AUTS2: variants seen among roughly 807,000 people sequenced by gnomAD.
AUTS2 encodes activator of transcription and developmental regulator AUTS2.
In AUTS2, 17 loss-of-function variants were observed where a neutral mutation model predicts 112.4. The ratio of observed to expected loss-of-function variants is 0.15; its 90% CI spans 0.10 to 0.23. The LOEUF is 0.23. Among genes scored for constraint, AUTS2 ranks in the 10% least tolerant of loss-of-function variants. The pLI is 1.00. For missense variants in AUTS2, 1,510 were observed against 1,701.6 expected, an observed-to-expected ratio of 0.89 and a Z score of 1.98; for synonymous variants, 751 against 702.7, an observed-to-expected ratio of 1.07 and a Z score of -1.09.
intron 5 of AUTS2, among the ~76,000 whole-genome samples, chr7:70,456,193 G>A (rs1190891259): frequency 1.3e-5 from 2 of 152,166 alleles, no homozygotes; most frequent in East Asian, 1.9e-4. Context: ...GGTGCCCCCA[G>A]CCACTTCCCA....
intron 2 of AUTS2, among the ~76,000 whole-genome samples, chr7:70,026,204 T>C (rs1800516080): frequency 6.6e-6 from 1 of 152,230 alleles, no homozygotes; most frequent in African/African-American, 2.4e-5. Context: ...AAACGCTCCT[T>C]AGTTTCACTG....
At chr7:70,173,690 A>G (rs1808830815) in intron 4 of AUTS2, among the ~76,000 whole-genome samples, 1 of 152,158 alleles carries the variant, frequency 6.6e-6, no homozygotes, top group Non-Finnish European at 1.5e-5. Flanking sequence ...TGCTCACTTC[A>G]TGTCTCTGTG....
At chr7:69,873,591 T>C (rs930456490) in intron 1 of AUTS2, among the ~76,000 whole-genome samples, 2 of 152,160 alleles carry the variant, frequency 1.3e-5, no homozygotes, top group African/African-American at 2.4e-5. Flanking sequence ...GTGACTGTTA[T>C]CGTTAACCAC....
chr7:70,751,529 C>T (rs535026274), intron 6 of AUTS2, among the ~76,000 whole-genome samples: 11 of 152,262 alleles, frequency 7.2e-5, no homozygotes, highest in African/African-American at 2.6e-4. Flanking sequence ...CATTGTCTTC[C>T]CGCCTAAGGA....
intron 6 of AUTS2, among the ~76,000 whole-genome samples, chr7:70,746,572 G>T (rs1788466468): frequency 6.6e-6 from 1 of 152,236 alleles, no homozygotes; most frequent in Non-Finnish European, 1.5e-5. Context: ...TAGACTAGAA[G>T]TTCATCAGAG....
chr7:70,686,625 G>A (rs1808485871), intron 5 of AUTS2, among the ~76,000 whole-genome samples: 1 of 151,996 alleles, frequency 6.6e-6, no homozygotes, highest in South Asian at 2.1e-4. Flanking sequence ...CAACCTCCCG[G>A]GTTCAAGCGA....
intron 4 of AUTS2, among the ~76,000 whole-genome samples, chr7:70,348,628 C>A (rs1267646951): frequency 1.3e-5 from 2 of 151,994 alleles, no homozygotes; most frequent in Non-Finnish European, 1.5e-5. Flanking sequence ...CACGGTGAAA[C>A]CCCGTCTCTA....
At chr7:69,772,727 C>T (rs957008914) in intron 1 of AUTS2, among the ~76,000 whole-genome samples, 6 of 152,138 alleles carry the variant, frequency 3.9e-5, no homozygotes, top group Non-Finnish European at 8.8e-5. Context: ...AGTCACTGTA[C>T]CTGGCTGGAA....
At chr7:69,725,565 G>C (rs532433371) in intron 1 of AUTS2, among the ~76,000 whole-genome samples, 1 of 152,294 alleles carries the variant, frequency 6.6e-6, no homozygotes, top group Non-Finnish European at 1.5e-5. Context: ...TATGGACCAA[G>C]ACATGTGGAC....
chr7:70,725,543 C>G (rs1228581790), intron 6 of AUTS2, among the ~76,000 whole-genome samples: 1 of 152,198 alleles, frequency 6.6e-6, no homozygotes, highest in Non-Finnish European at 1.5e-5. Context: ...TAAGGATTTT[C>G]CATTTAACAA....
chr7:69,641,723 A>C (rs1172195246), intron 1 of AUTS2, among the ~76,000 whole-genome samples: 3 of 152,224 alleles, frequency 2.0e-5, no homozygotes, highest in African/African-American at 4.8e-5. Flanking sequence ...GAATTCAACA[A>C]TTCTGCATCA....
chr7:70,118,211 G>C lies in AUTS2; in HGVS notation c.602G>C (p.Ser201Thr). 1.3e-6 allele frequency: 2 copies of C among 1,595,334 alleles called. No homozygotes were observed. The highest frequency in any genetic ancestry group is 1.7e-6 in the Non-Finnish European group (2 of 1,174,262). Residue 201 changes from serine to threonine, a missense_variant, in exon 3 of 19, where the codon AGC becomes ACC. Physicochemically the swap from Ser to Thr is moderately conservative, Grantham distance 58. This residue lies in a region of AUTS2 where 535 missense variants were observed against 594.3 expected (regional missense o/e 0.90). Coordinates refer to ENST00000342771, the MANE Select transcript of AUTS2 (RefSeq NM_015570.4). ...SGESKGFHRS[S>T]SRERLSDSSA... ...GAATCCAAGGGCTTCCACCGGAGCA[G>C]CTCTCGGGAAAGGCTCAGTGATGTA...
At chr7:69,614,346 T>TTCTTTC (rs1583942533) in intron 1 of AUTS2, among the ~76,000 whole-genome samples, 1 of 77,736 alleles carries the variant, frequency 1.3e-5, no homozygotes, top group East Asian at 4.7e-4. Flanking sequence ...CTTTCTTTCT[T>TTCTTTC]TCTTTCTTTC....
At chr7:69,690,540 C>T (rs1273385958) in intron 1 of AUTS2, among the ~76,000 whole-genome samples, 1 of 152,226 alleles carries the variant, frequency 6.6e-6, no homozygotes, top group East Asian at 1.9e-4. Context: ...GCCACTGGCA[C>T]AGCCAGGCAT....
At chr7:70,378,083 T>G (rs958896455) in intron 4 of AUTS2, among the ~76,000 whole-genome samples, 1 of 152,122 alleles carries the variant, frequency 6.6e-6, no homozygotes, top group Non-Finnish European at 1.5e-5. Flanking sequence ...GCCAGCATAA[T>G]GTCTTTAAAG....
chr7:69,898,006 A>G (rs1296883161), intron 1 of AUTS2, among the ~76,000 whole-genome samples: 1 of 152,224 alleles, frequency 6.6e-6, no homozygotes, highest in African/African-American at 2.4e-5. Context: ...TTTTAAATGT[A>G]CATTTAGATA....
intron 5 of AUTS2, among the ~76,000 whole-genome samples, chr7:70,611,643 T>C (rs1804097534): frequency 6.6e-6 from 1 of 152,196 alleles, no homozygotes. Flanking sequence ...ATTTCTAACA[T>C]TTGGAAGCCG....
intron 2 of AUTS2, among the ~76,000 whole-genome samples, chr7:69,999,301 T>C (rs139416438): frequency 1.7e-3 from 255 of 152,270 alleles, no homozygotes; most frequent in African/African-American, 5.3e-3. Context: ...GCATGGATTG[T>C]AGGCCTGGTT....
Position 69,599,640 on chromosome 7 carries a change from G to A in AUTS2, c.-14G>A, listed in dbSNP as rs1792258144. 3.1e-6 allele frequency: 4 copies of A among 1,281,208 alleles called. No homozygotes were observed. Among genetic ancestry groups the A allele is most frequent in the Non-Finnish European group, 3.9e-6 (4 of 1,016,324 alleles). 79.4% of individuals were successfully genotyped at this position (1,281,208 alleles called of 1,614,324 possible). On this transcript the variant is annotated 5_prime_UTR_variant, in exon 1 of 19. Transcript: ENST00000342771. The surrounding 1 kb of genome is among the most constrained non-coding windows in gnomAD (Gnocchi z 7.0). ...TGTGGCGGGCAAGCGGGGAGACCCCGGCGCAGCAGAACCATGGATGGCCCG... is the reference window on the plus strand; with the variant it reads ...TGTGGCGGGCAAGCGGGGAGACCCCAGCGCAGCAGAACCATGGATGGCCCG...
Sources: gnomAD v4.1 joint callset for allele counts (sites outside exome capture counted in the v4.1 genomes callset) on GRCh38, gnomAD v4.1.1 for gene constraint, gnomAD v4.1.1 regional missense constraint, Gnocchi (gnomAD v3.1) non-coding constraint, MANE v1.5 for transcripts, NCBI Gene and HGNC (gene_info 2026-07-23, HGNC 2026-07-21) for gene names.